LRP1B: variants seen among roughly 807,000 people sequenced by gnomAD.
LRP1B encodes the protein low-density lipoprotein receptor-related protein 1B.
Under a neutral mutation model 556.6 loss-of-function variants are expected in LRP1B, and 217 were observed. The ratio of observed to expected loss-of-function variants is 0.39; its 90% CI spans 0.35 to 0.44. The LOEUF is 0.44. Among genes scored for constraint, LRP1B ranks in the 20% least tolerant of loss-of-function variants. The probability of loss-of-function intolerance (pLI) is 1.00; values close to 1 mark genes in which losing one functional copy is unlikely to be tolerated. For synonymous variants in LRP1B, 2,047 were observed against 1,865.8 expected (o/e 1.10, Z -2.50); for missense variants, 5,053 against 5,620.8 (o/e 0.90, Z 3.23).
intron 25 of LRP1B, among the ~76,000 whole-genome samples, chr2:140,872,181 C>G (rs945338060): frequency 6.7e-6 from 1 of 150,214 alleles, no homozygotes; most frequent in African/African-American, 2.4e-5. Context: ...CTTTCACCCC[C>G]TGCTGCATGA....
rs2105324079 is a variant in LRP1B, at chr2:140,457,568, G to A, written c.9709C>T (p.Leu3237Phe). The change falls in exon 61 of 91, where the codon CTC (leucine) becomes TTC (phenylalanine). Residue 3237 changes from leucine (L) to phenylalanine (F), a missense_variant. Physicochemically the swap from Leu to Phe is conservative, Grantham distance 22. Around this residue, in one of 5 missense-constraint regions of LRP1B, gnomAD observed 262 missense variants for 395.1 expected, o/e 0.66. Coordinates refer to ENST00000389484, the MANE Select transcript of LRP1B (RefSeq NM_018557.3). ...CCCGATGTTTTATGGGCACGGCTGAGTGACTTGGTTTTCCCATCAGTCCAG... is the reference window on the plus strand; with the variant it reads ...CCCGATGTTTTATGGGCACGGCTGAATGACTTGGTTTTCCCATCAGTCCAG... ...IYWTDGKTKS[L>F]SRAHKTSGAD... is the part of the protein sequence containing the mutation. 1.2e-6 allele frequency: 2 copies of A among 1,613,830 alleles called. No homozygotes were observed. Among genetic ancestry groups the A allele is most frequent in the East Asian group, 2.2e-5 (1 of 44,880 alleles).
At chr2:140,856,774 C>CACACAT (rs1310048652) in intron 27 of LRP1B, among the ~76,000 whole-genome samples, 3 of 100,900 alleles carry the variant, frequency 3.0e-5, no homozygotes, top group African/African-American at 9.6e-5. Flanking sequence ...CACACACACA[C>CACACAT]ACACACATTG....
chr2:141,364,381 C>T (rs1291176157), intron 3 of LRP1B, among the ~76,000 whole-genome samples: 1 of 150,262 alleles, frequency 6.7e-6, no homozygotes, highest in African/African-American at 2.5e-5. Context: ...ATGATCAGAT[C>T]ATGCACACAC....
At chr2:140,607,689 A>G (rs113691254) in intron 41 of LRP1B, among the ~76,000 whole-genome samples, 1 of 152,050 alleles carries the variant, frequency 6.6e-6, no homozygotes, top group East Asian at 1.9e-4. Context: ...ATATATGTAT[A>G]CATATACATA....
chr2:141,623,424 A>C (rs1183677719), intron 2 of LRP1B, among the ~76,000 whole-genome samples: 3 of 152,172 alleles, frequency 2.0e-5, no homozygotes, highest in Non-Finnish European at 4.4e-5. Flanking sequence ...ATTCCAAAGA[A>C]GTGCTTTCTT....
At chr2:140,339,565 C>G (rs1179865153) in intron 77 of LRP1B, among the ~76,000 whole-genome samples, 2 of 151,484 alleles carry the variant, frequency 1.3e-5, no homozygotes, top group African/African-American at 4.8e-5. Context: ...GAACCACTGT[C>G]AAGAAATTGT....
intron 35 of LRP1B, among the ~76,000 whole-genome samples, chr2:140,731,764 C>CAAAAAAAAAAAAAAA (rs36060787): frequency 6.7e-5 from 4 of 59,384 alleles, no homozygotes; most frequent in African/African-American, 1.8e-4. Context: ...GAGACTCCGT[C>CAAAAAAAAAAAAAAA]AAAAAAAAAA....
In LRP1B at chr2:141,638,879, A is replaced by G. The variant is rs575421551; in HGVS notation, c.206-158346T>C. Among the ~76,000 whole-genome samples, 16 of 47,348 alleles carry G rather than the reference A, an allele frequency of 3.4e-4. 4 individuals are homozygous for G. The highest frequency in any genetic ancestry group is 6.4e-4 in the Non-Finnish European group (14 of 21,748). 31.1% of individuals were successfully genotyped at this position (47,348 alleles called of 152,430 possible). ...GGTAGCCATATATATATATATATAT[A>G]TATGTGTGTGTATGTGCGTGTGTGT... is the stretch of plus-strand genomic sequence containing the variant. On this transcript the variant is annotated intron_variant, in intron 2 of 90. Transcript: ENST00000389484.
chr2:140,963,589 C>G (rs760068506), intron 18 of LRP1B, among the ~76,000 whole-genome samples: 163 of 152,086 alleles, frequency 1.1e-3, no homozygotes, highest in Non-Finnish European at 2.0e-3. Context: ...TGGCCAGTAA[C>G]CGGTGAGGCA....
At chr2:141,756,506 TTTTA>T (rs1038075863) in intron 2 of LRP1B, among the ~76,000 whole-genome samples, 1 of 151,490 alleles carries the variant, frequency 6.6e-6, no homozygotes, top group African/African-American at 2.4e-5. Flanking sequence ...GCTTAAAATA[TTTTA>T]TTAACTCTTA....
At chr2:141,031,243 T>C (rs975222803) in intron 11 of LRP1B, among the ~76,000 whole-genome samples, 81 of 136,782 alleles carry the variant, frequency 5.9e-4, no homozygotes, top group African/African-American at 2.2e-3. Context: ...TAATGGCATA[T>C]ATACATATCA....
chr2:140,684,185 G>C (rs1685966585), intron 41 of LRP1B, among the ~76,000 whole-genome samples: 1 of 152,118 alleles, frequency 6.6e-6, no homozygotes, highest in Non-Finnish European at 1.5e-5. Context: ...ACTGAATATG[G>C]CTTCTATGTA....
chr2:141,290,821 A>T (rs1685914450), intron 3 of LRP1B, among the ~76,000 whole-genome samples: 1 of 152,168 alleles, frequency 6.6e-6, no homozygotes, highest in Non-Finnish European at 1.5e-5. Context: ...GTAGCTGGTG[A>T]TTAATTTCTA....
At chr2:140,929,753 G>GACACACAC (rs1259244233) in intron 20 of LRP1B, among the ~76,000 whole-genome samples, 4 of 54,280 alleles carry the variant, frequency 7.4e-5, no homozygotes, top group South Asian at 1.6e-3. Context: ...CAGTCATATA[G>GACACACAC]ACTCACACAC....
chr2:140,560,496 CATT>C (rs1390014346), intron 43 of LRP1B, among the ~76,000 whole-genome samples: 1 of 152,078 alleles, frequency 6.6e-6, no homozygotes, highest in Non-Finnish European at 1.5e-5. Flanking sequence ...TGCAGCCTAA[CATT>C]ATTTTAAAAA....
At chr2:141,545,292 T>G (rs1685511675) in intron 2 of LRP1B, among the ~76,000 whole-genome samples, 1 of 152,206 alleles carries the variant, frequency 6.6e-6, no homozygotes, top group South Asian at 2.1e-4. Context: ...GGGCCTCTAG[T>G]TTCTAAGCAC....
At chr2:140,785,123 C>G (rs1167052903) in intron 32 of LRP1B, among the ~76,000 whole-genome samples, 1 of 151,986 alleles carries the variant, frequency 6.6e-6, no homozygotes. Flanking sequence ...TTCTCAACTC[C>G]AACTTATTAT....
At chr2:141,356,390 CAAT>C (rs942797266) in intron 3 of LRP1B, among the ~76,000 whole-genome samples, 9 of 151,770 alleles carry the variant, frequency 5.9e-5, no homozygotes, top group African/African-American at 2.2e-4. Flanking sequence ...GGGTTGTTCC[CAAT>C]AATATGATAA....
At chr2:140,398,259 A>G (rs1036081496) in intron 66 of LRP1B, among the ~76,000 whole-genome samples, 1 of 152,166 alleles carries the variant, frequency 6.6e-6, no homozygotes, top group African/African-American at 2.4e-5. Flanking sequence ...ACATACATAT[A>G]TTAGATAAAC....
Sources: gnomAD v4.1 joint callset for allele counts (sites outside exome capture counted in the v4.1 genomes callset) on GRCh38, gnomAD v4.1.1 for gene constraint, gnomAD v4.1.1 regional missense constraint, MANE v1.5 for transcripts, NCBI Gene and HGNC (gene_info 2026-07-23, HGNC 2026-07-21) for gene names.